The following RBFOX3 variants were observed in gnomAD, a reference collection of about 807,000 sequenced individuals.
RBFOX3 encodes RNA binding protein fox-1 homolog 3.
Under a neutral mutation model 48.7 loss-of-function variants are expected in RBFOX3, and 17 were observed. The observed-to-expected ratio is 0.35, with a 90% CI of 0.24 to 0.52. RBFOX3 has a LOEUF of 0.52. Ranked by LOEUF, RBFOX3 falls within the 20% of genes least tolerant of loss-of-function variation. RBFOX3 has a pLI of 0.94. For missense variants in RBFOX3, 382 were observed against 497.5 expected (o/e 0.77, Z 2.21); for synonymous variants, 212 against 209.5 (o/e 1.01, Z -0.10).
chr17:79,223,066 T>C, intron 4 of RBFOX3, among the ~76,000 whole-genome samples: 1 of 152,120 alleles, frequency 6.6e-6, no homozygotes, highest in East Asian at 1.9e-4. Flanking sequence ...GCCTGTCTCC[T>C]GCATCCTCTA....
At chr17:79,226,555 G>A (rs1237741157) in intron 4 of RBFOX3, among the ~76,000 whole-genome samples, 2 of 152,210 alleles carry the variant, frequency 1.3e-5, no homozygotes, top group Non-Finnish European at 2.9e-5. Flanking sequence ...AGTGTGTCCT[G>A]GGCATCACCC....
At chr17:79,461,141 G>T (rs2075313189) in intron 2 of RBFOX3, among the ~76,000 whole-genome samples, 1 of 152,180 alleles carries the variant, frequency 6.6e-6, no homozygotes, top group African/African-American at 2.4e-5. Context: ...CTCCCCAAGG[G>T]GGTTGTTGGG....
intron 1 of RBFOX3, among the ~76,000 whole-genome samples, chr17:79,542,698 G>A (rs1184343916): frequency 3.3e-5 from 5 of 152,178 alleles, no homozygotes; most frequent in South Asian, 2.1e-4. Flanking sequence ...CAAGAGAATC[G>A]CTTGAACCCA....
intron 8 of RBFOX3, among the ~76,000 whole-genome samples, chr17:79,102,336 C>T (rs776246787): frequency 3.3e-5 from 5 of 152,204 alleles, no homozygotes; most frequent in Admixed American, 6.5e-5. Context: ...GCCTCCCCTG[C>T]GTCCTCCATT....
At chr17:79,652,250 GAA>G in the RBFOX3 span, among the ~76,000 whole-genome samples, 1 of 152,136 alleles carries the variant, frequency 6.6e-6, no homozygotes, top group Non-Finnish European at 1.5e-5. Context: ...ACAGAGATGA[GAA>G]AAGATACTAC....
At chr17:79,196,143 G>A (rs1048880084) in intron 4 of RBFOX3, among the ~76,000 whole-genome samples, 1 of 152,140 alleles carries the variant, frequency 6.6e-6, no homozygotes, top group African/African-American at 2.4e-5. Flanking sequence ...AGTGGAGGCC[G>A]GGATGCGGGG....
At chr17:79,129,902 C>T (rs2038372372) in intron 4 of RBFOX3, among the ~76,000 whole-genome samples, 1 of 152,182 alleles carries the variant, frequency 6.6e-6, no homozygotes, top group Admixed American at 6.5e-5. Context: ...AGTCGGGCTC[C>T]AATTCACTCT....
At chr17:79,520,000 T>C (rs1422649040) in intron 1 of RBFOX3, among the ~76,000 whole-genome samples, 4 of 151,202 alleles carry the variant, frequency 2.6e-5, no homozygotes, top group Non-Finnish European at 5.9e-5. Context: ...GAGTTCTGAG[T>C]CCTAGCAACC....
chr17:79,174,337 C>T (rs1391909089), intron 4 of RBFOX3, among the ~76,000 whole-genome samples: 2 of 151,508 alleles, frequency 1.3e-5, no homozygotes, highest in Non-Finnish European at 3.0e-5. Context: ...GACACACGCA[C>T]ACAATGCAGC....
intron 1 of RBFOX3, among the ~76,000 whole-genome samples, chr17:79,530,005 G>T (rs1035694184): frequency 6.6e-5 from 10 of 152,236 alleles, no homozygotes; most frequent in Non-Finnish European, 1.3e-4. Context: ...TTTACAACCT[G>T]GCCCTTGACA....
At chr17:79,643,180 A>C in the RBFOX3 span, among the ~76,000 whole-genome samples, 1 of 152,374 alleles carries the variant, frequency 6.6e-6, no homozygotes, top group South Asian at 2.1e-4. Context: ...TAATGAAAAT[A>C]AATTAGACTT....
At chr17:79,371,313 C>CT (rs1381947036) in intron 2 of RBFOX3, among the ~76,000 whole-genome samples, 1 of 152,238 alleles carries the variant, frequency 6.6e-6, no homozygotes, top group Non-Finnish European at 1.5e-5. Flanking sequence ...CTGTGAATAT[C>CT]TTGCTGCTTT....
At chr17:79,425,314 A>C (rs1401278260) in intron 2 of RBFOX3, among the ~76,000 whole-genome samples, 10 of 152,184 alleles carry the variant, frequency 6.6e-5, no homozygotes, top group African/African-American at 1.2e-4. Context: ...TCCCCTCCGC[A>C]GTAACCCTCT....
chr17:79,122,431 T>C (rs535595271), intron 4 of RBFOX3, among the ~76,000 whole-genome samples: 65 of 152,204 alleles, frequency 4.3e-4, no homozygotes, highest in Middle Eastern at 6.8e-3. Context: ...CCTAAGGAAT[T>C]TGGCACACAG....
rs181278026 is a variant in RBFOX3, at chr17:79,249,039, G to C, written c.-73-13234C>G. ...GGATGCGGTGCGGTCTTCCGCCAGCGGGGCCAGAACCCAGAGCGAGGCTGC... is the reference window on the plus strand; with the variant it reads ...GGATGCGGTGCGGTCTTCCGCCAGCCGGGCCAGAACCCAGAGCGAGGCTGC... On this transcript the variant is annotated intron_variant, in intron 3 of 14. Transcript: ENST00000693108. This position sits in a 1 kb window ranked among gnomAD's most constrained non-coding sequence, Gnocchi z 4.1. Among the ~76,000 whole-genome samples, 61 of 152,304 alleles carry C rather than the reference G, an allele frequency of 4.0e-4. No individual in the cohort carries two copies. The East Asian group carries it at 0.01, about 26-fold the overall frequency.
chr17:79,635,086 A>C, the RBFOX3 span, among the ~76,000 whole-genome samples: 4 of 132,660 alleles, frequency 3.0e-5, no homozygotes, highest in East Asian at 2.6e-4. Context: ...AAAAAAAAAA[A>C]AAAAAAAAAA....
rs1029723639 is a variant in RBFOX3, at chr17:79,418,150, A to G, written c.-175+64304T>C. On this transcript the variant is annotated intron_variant, in intron 2 of 14. Transcript: ENST00000693108. This position sits in a 1 kb window ranked among gnomAD's most constrained non-coding sequence, Gnocchi z 5.0. ...GGAGATGGATGGTGATGGCCGCACA[A>G]CAAGATGAATGTACTTAATGCCACT... 2.0e-5 allele frequency among the ~76,000 whole-genome samples: 3 copies of G among 152,350 alleles called. No individual in the cohort carries two copies. In the South Asian group the frequency reaches 6.2e-4, roughly 32 times the overall value.
At chr17:79,106,547 A>G in intron 6 of RBFOX3, 104 bp downstream of exon 6, 1 of 1,347,656 alleles carries the variant, frequency 7.4e-7, no homozygotes. Flanking sequence ...GGGAGGCAGG[A>G]AACCCGGGGG....
chr17:79,290,867 C>T (rs891510180), intron 3 of RBFOX3, among the ~76,000 whole-genome samples: 3 of 152,250 alleles, frequency 2.0e-5, no homozygotes, highest in Middle Eastern at 3.4e-3. Context: ...CCCTTGACAC[C>T]CTGGCTGCGT....
Sources: gnomAD v4.1 joint callset for allele counts (sites outside exome capture counted in the v4.1 genomes callset) on GRCh38, gnomAD v4.1.1 for gene constraint, Gnocchi (gnomAD v3.1) non-coding constraint, MANE v1.5 for transcripts, NCBI Gene and HGNC (gene_info 2026-07-23, HGNC 2026-07-21) for gene names.